Variants in PRKAR2B observed in about 807,000 individuals in gnomAD.
PRKAR2B encodes the protein protein kinase cAMP-dependent type II regulatory subunit beta.
Under a neutral mutation model 49.9 loss-of-function variants are expected in PRKAR2B, and 14 were observed. The observed-to-expected ratio is 0.28, with a 90% CI of 0.19 to 0.44. The LOEUF (loss-of-function observed/expected upper bound fraction) is 0.44, where lower values mean the gene tolerates loss of function less well. Ranked by LOEUF, PRKAR2B falls within the 20% of genes least tolerant of loss-of-function variation. The pLI, the probability that PRKAR2B is intolerant of heterozygous loss-of-function variation, is 1.00. For missense variants in PRKAR2B, 393 were observed against 537.9 expected (o/e 0.73, Z 2.67); for synonymous variants, 196 against 197.7 (o/e 0.99, Z 0.07).
rs1273161813 is a variant in PRKAR2B at position 107,161,129 on chromosome 7, G to A, written c.*1547G>A. 6.6e-6 allele frequency: 1 copy of A among 152,172 alleles called. No homozygotes were observed. Among genetic ancestry groups the A allele is most frequent in the Non-Finnish European group, 1.5e-5 (1 of 68,014 alleles). 9.4% of individuals were successfully genotyped at this position (152,172 alleles called of 1,614,324 possible). A position where few individuals can be genotyped will look rare whatever the true frequency, so the allele number is the denominator to read the frequency against. On this transcript the variant is annotated 3_prime_UTR_variant, in exon 11 of 11. Coordinates refer to ENST00000265717, the MANE Select transcript of PRKAR2B (RefSeq NM_002736.3). ...GATAATGTATATATAAGAAGTTAAA[G>A]TATGTAAAGTATAACTTCAGCCACA...
intron 2 of PRKAR2B, among the ~76,000 whole-genome samples, chr7:107,078,741 T>G (rs947752584): frequency 1.3e-5 from 2 of 152,228 alleles, no homozygotes; most frequent in African/African-American, 4.8e-5. Flanking sequence ...AGTCTCTGGT[T>G]CTTTTTTGTT....
chr7:107,053,837 A>C (rs2237649), intron 1 of PRKAR2B, among the ~76,000 whole-genome samples: 1 of 151,932 alleles, frequency 6.6e-6, no homozygotes, highest in South Asian at 2.1e-4. Context: ...TGGAAATACC[A>C]GTCAGAATTA....
intron 2 of PRKAR2B, among the ~76,000 whole-genome samples, chr7:107,090,770 G>T (rs777249188): frequency 6.6e-6 from 1 of 152,154 alleles, no homozygotes; most frequent in Non-Finnish European, 1.5e-5. Context: ...CAGGTGACCC[G>T]TTTGGATGTG....
intron 1 of PRKAR2B, among the ~76,000 whole-genome samples, chr7:107,065,355 TGTGTGTGTGTGTG>T (rs1794118010): frequency 6.6e-6 from 1 of 151,190 alleles, no homozygotes; most frequent in South Asian, 2.1e-4. Flanking sequence ...TGTGTGTGTG[TGTGTGTGTGTGTG>T]TGTGTGTGTT....
intron 1 of PRKAR2B, among the ~76,000 whole-genome samples, chr7:107,056,390 T>G (rs955331481): frequency 2.6e-5 from 4 of 152,254 alleles, no homozygotes; most frequent in African/African-American, 7.2e-5. Flanking sequence ...GCATTGAATC[T>G]ATAAATTACC....
chr7:107,060,228 C>T (rs1301951773), intron 1 of PRKAR2B, among the ~76,000 whole-genome samples: 2 of 152,070 alleles, frequency 1.3e-5, no homozygotes, highest in Non-Finnish European at 2.9e-5. Flanking sequence ...AGTTTGTGGA[C>T]TGCTGCTATA....
intron 2 of PRKAR2B, among the ~76,000 whole-genome samples, chr7:107,086,823 A>G (rs955880736): frequency 2.6e-5 from 4 of 152,140 alleles, no homozygotes; most frequent in South Asian, 2.1e-4. Flanking sequence ...TGATATGGTA[A>G]GTTTCAATAG....
In PRKAR2B at chr7:107,133,299, ATGT is replaced by A. The variant is rs566311653; in HGVS notation, c.480+5006_480+5008del. ...CGTGTATGAATTCTTCAGTTTTATA[ATGT>A]TTTCAAATGCAGCTAATTCCAACAT... On this transcript the variant is annotated intron_variant, in intron 4 of 10. Coordinates refer to ENST00000265717, the MANE Select transcript of PRKAR2B (RefSeq NM_002736.3). 2.0e-5 allele frequency among the ~76,000 whole-genome samples: 3 copies of A among 152,308 alleles called. No individual in the cohort carries two copies. The South Asian group carries it at 6.2e-4, about 32-fold the overall frequency.
intron 2 of PRKAR2B, 79 bp from the exon 3 acceptor site, chr7:107,121,869 GTTCA>G (rs1365251268): frequency 1.3e-6 from 1 of 741,358 alleles, no homozygotes; most frequent in African/African-American, 1.8e-5. Flanking sequence ...TACTCTTTTT[GTTCA>G]TTAAGTGTTA....
At chr7:107,058,510 T>C (rs1027204919) in intron 1 of PRKAR2B, among the ~76,000 whole-genome samples, 4 of 152,174 alleles carry the variant, frequency 2.6e-5, no homozygotes, top group Non-Finnish European at 2.9e-5. Flanking sequence ...AATTTATTTT[T>C]AGAAGAAAAT....
chr7:107,082,617 A>G (rs777341411), intron 2 of PRKAR2B, among the ~76,000 whole-genome samples: 2 of 152,056 alleles, frequency 1.3e-5, no homozygotes, highest in Non-Finnish European at 2.9e-5. Flanking sequence ...TTTTTTTGAG[A>G]TGGAGTCTCG....
intron 1 of PRKAR2B, among the ~76,000 whole-genome samples, chr7:107,048,014 A>G (rs1306719722): frequency 6.6e-6 from 1 of 152,218 alleles, no homozygotes; most frequent in Non-Finnish European, 1.5e-5. Flanking sequence ...TGCTGTCTAA[A>G]TGCTTTAATT....
chr7:107,153,113 C>G, intron 7 of PRKAR2B, 64 bp from the exon 8 acceptor site: 2 of 1,303,332 alleles, frequency 1.5e-6, no homozygotes, highest in Non-Finnish European at 2.1e-6. Flanking sequence ...TTTTTTACTC[C>G]CGAACTAGAT....
rs573971014 is a variant in PRKAR2B at position 107,057,543 on chromosome 7, G to A, written c.307+12329G>A. Among the ~76,000 whole-genome samples, 8 of 152,250 alleles carry A rather than the reference G, an allele frequency of 5.3e-5. No homozygotes were observed. The East Asian group carries it at 1.2e-3, about 22-fold the overall frequency. On this transcript the variant is annotated intron_variant, in intron 1 of 10. Coordinates refer to ENST00000265717, the MANE Select transcript of PRKAR2B (RefSeq NM_002736.3). ...ATGTGAAACATCTGAAATAGTGGAA[G>A]CTTTTTTAAGAGTGTGATTTCATTT...
rs1341223759 is a variant in PRKAR2B, at chr7:107,156,800, C to G, written c.919-184C>G. 4.7e-5 allele frequency among the ~76,000 whole-genome samples: 7 copies of G among 149,388 alleles called. No individual in the cohort carries two copies. The South Asian group carries it at 1.5e-3, about 32-fold the overall frequency. On this transcript the variant is annotated intron_variant, in intron 8 of 10. Coordinates refer to ENST00000265717, the MANE Select transcript of PRKAR2B (RefSeq NM_002736.3). ...CAGTCTGGGCAACAGAGTGAGACTCCGTCTCAAAAAAAAAAAAAACCTCTT... is the reference window on the plus strand; with the variant it reads ...CAGTCTGGGCAACAGAGTGAGACTCGGTCTCAAAAAAAAAAAAAACCTCTT...
intron 4 of PRKAR2B, among the ~76,000 whole-genome samples, chr7:107,138,459 G>C (rs183589621): frequency 1.8e-4 from 28 of 152,244 alleles, no homozygotes; most frequent in Non-Finnish European, 3.8e-4. Flanking sequence ...TGTTGCCCAG[G>C]CTGGAGTGCA....
intron 1 of PRKAR2B, among the ~76,000 whole-genome samples, chr7:107,057,464 A>C (rs1793938545): frequency 6.6e-6 from 1 of 152,174 alleles, no homozygotes; most frequent in South Asian, 2.1e-4. Context: ...CTTTTATGGA[A>C]AAAAGCAAAA....
At chr7:107,070,746 T>C (rs1347835310) in intron 2 of PRKAR2B, among the ~76,000 whole-genome samples, 3 of 152,168 alleles carry the variant, frequency 2.0e-5, no homozygotes, top group Non-Finnish European at 4.4e-5. Context: ...TGTTTGTTTG[T>C]TTGTTTGTTT....
intron 2 of PRKAR2B, among the ~76,000 whole-genome samples, chr7:107,113,634 A>G (rs1368335496): frequency 4.6e-5 from 7 of 152,174 alleles, no homozygotes; most frequent in African/African-American, 1.4e-4. Context: ...TCCCAAACAT[A>G]TTATCCTCCG....
Sources: allele counts gnomAD v4.1 joint callset (sites outside exome capture counted in the v4.1 genomes callset), GRCh38; gene constraint gnomAD v4.1.1; transcripts MANE v1.5; gene names NCBI Gene and HGNC (gene_info 2026-07-23, HGNC 2026-07-21).